The following POLR1C variants were observed in gnomAD, a reference collection of about 807,000 sequenced individuals.
The protein encoded by POLR1C is DNA-directed RNA polymerases I and III subunit RPAC1.
Under a neutral mutation model 38.3 loss-of-function variants are expected in POLR1C, and 42 were observed. The observed-to-expected ratio is 1.10, with a 90% CI of 0.86 to 1.42. POLR1C has a LOEUF of 1.42. Among genes scored for constraint, POLR1C ranks in the 40% most tolerant of loss-of-function variants. The probability of loss-of-function intolerance (pLI) is 0.00; values close to 1 mark genes in which losing one functional copy is unlikely to be tolerated. For missense variants in POLR1C, 507 were observed against 450.5 expected, an observed-to-expected ratio of 1.13 and a Z score of -1.14; for synonymous variants, 163 against 163.9, an observed-to-expected ratio of 0.99 and a Z score of 0.04.
chr6:43,551,202 G>A (rs1795212249), intron 10 of POLR1C: 3 of 1,297,854 alleles, frequency 2.3e-6, no homozygotes, highest in Admixed American at 6.0e-5. Flanking sequence ...TCCAGCCTGG[G>A]CAATGTAGCA....
chr6:43,553,622 G>GA (rs1229595599), intron 10 of POLR1C: 4 of 1,440,714 alleles, frequency 2.8e-6, no homozygotes, highest in Middle Eastern at 2.1e-4. Flanking sequence ...AGAATTTCAT[G>GA]ATTGAAGGAG....
chr6:43,517,503 C>A, intron 2 of POLR1C, 126 bp downstream of exon 2: 6 of 799,978 alleles, frequency 7.5e-6, no homozygotes, highest in East Asian at 2.4e-5. Flanking sequence ...GAGCAATGTG[C>A]TAGACGCTCC....
chr6:43,517,319 A>C lies in POLR1C; in HGVS notation c.83A>C (p.Asp28Ala). The change falls in exon 2 of 9, where the codon GAC (aspartate) becomes GCC (alanine). Residue 28 changes from aspartate (D) to alanine (A), a missense_variant. Physicochemically the swap from Asp to Ala is moderately radical, Grantham distance 126. Coordinates refer to ENST00000642195, the MANE Select transcript of POLR1C (RefSeq NM_203290.4). ...CCTTTGCTCTAGGTCCATACTACTG[A>C]CTTTCCCGGTAACTATTCCGGTTAT... ...EFGVRNVHTT[D>A]FPGNYSGYDD... 1 of 1,614,024 alleles carries C rather than the reference A, an allele frequency of 6.2e-7. No individual in the cohort carries two copies. Among genetic ancestry groups the C allele is most frequent in the Non-Finnish European group, 8.5e-7 (1 of 1,179,988 alleles).
Position 43,520,785 on chromosome 6 carries a change from T to C in POLR1C, c.805+11T>C, listed in dbSNP as rs201455719. ...TGCAGGAAGTCCAAGGTATGGTATT[T>C]GGGATGCTGTTCAAGTTAGGACCTA... On this transcript the variant is annotated intron_variant, in intron 7 of 8. Transcript: ENST00000642195. 1 of 1,613,244 alleles carries C rather than the reference T, an allele frequency of 6.2e-7. No homozygotes were observed. The highest frequency in any genetic ancestry group is 1.3e-5 in the African/African-American group (1 of 74,248).
At chr6:43,525,574 G>C, downstream of POLR1C, 1 of 528,184 alleles carries the variant, frequency 1.9e-6, no homozygotes, top group Non-Finnish European at 3.3e-6. Flanking sequence ...CAAAGCTCAG[G>C]CCTGGCTTGG....
chr6:43,558,739 T>A lies in POLR1C; in HGVS notation c.*49-2661T>A. ...ATGGTAAATATCCACTTCAGTTCTA[T>A]CACAGGTCCACAGTTTGCTCCCAGT... is the stretch of plus-strand genomic sequence containing the variant. On this transcript the variant is annotated intron_variant, in intron 10 of 10. Coordinates refer to the POLR1C transcript ENST00000607635. 2 of 593,506 alleles carry A rather than the reference T, an allele frequency of 3.4e-6. 1 individual carries two copies. The highest frequency in any genetic ancestry group is 5.7e-6 in the Non-Finnish European group (2 of 351,476). 36.8% of individuals were successfully genotyped at this position (593,506 alleles called of 1,614,324 possible). A position where few individuals can be genotyped will look rare whatever the true frequency, so the allele number is the denominator to read the frequency against.
At chr6:43,549,171 C>A (rs1795109356) in intron 9 of POLR1C, among the ~76,000 whole-genome samples, 1 of 152,142 alleles carries the variant, frequency 6.6e-6, no homozygotes, top group African/African-American at 2.4e-5. Flanking sequence ...AAGTGATTCT[C>A]CTGCCTCAGC....
At chr6:43,531,071 T>C (rs1793944655), downstream of POLR1C, among the ~76,000 whole-genome samples, 2 of 152,222 alleles carry the variant, frequency 1.3e-5, no homozygotes, top group African/African-American at 4.8e-5. Flanking sequence ...GCTTGGCTGA[T>C]TAGTGTAGTG....
rs1351376667 is a variant in POLR1C, at chr6:43,538,481, A to T, written c.*4+9122A>T. 3.3e-5 allele frequency among the ~76,000 whole-genome samples: 5 copies of T among 152,278 alleles called. 1 individual carries two copies. In the East Asian group the frequency reaches 9.7e-4, roughly 29 times the overall value. ...AGTGACTAAGAGATATCTTAAATATATATAAACCTTGTGTGGATAAACAGA... is the reference window on the plus strand; with the variant it reads ...AGTGACTAAGAGATATCTTAAATATTTATAAACCTTGTGTGGATAAACAGA... On this transcript the variant is annotated intron_variant, in intron 9 of 10. Transcript: ENST00000607635.
downstream of POLR1C, chr6:43,533,970 T>C: frequency 6.2e-7 from 1 of 1,606,212 alleles, no homozygotes; most frequent in Non-Finnish European, 8.5e-7. Flanking sequence ...TCTGCCATTT[T>C]GGCTAGCATT....
rs755859153 is a variant in POLR1C, at chr6:43,520,383, C to G, written c.611C>G (p.Pro204Arg). 7 of 1,613,930 alleles carry G rather than the reference C, an allele frequency of 4.3e-6. No homozygotes were observed. The highest frequency in any genetic ancestry group is 5.9e-6 in the Non-Finnish European group (7 of 1,180,042). The stretch of plus-strand genomic sequence containing the variant: ...GATATCCTCATCGCTCAGCTGCGGC[C>G]TGGCCAAGAAATTGACCTGCTCATG... The part of the protein sequence containing the change: ...HDDILIAQLR[P>R]GQEIDLLMHC... The change falls in exon 6 of 9, where the codon CCT becomes CGT. Residue 204 changes from proline to arginine, a missense_variant. Physicochemically the swap from Pro to Arg is moderately radical, Grantham distance 103 (BLOSUM62 -2). Transcript: ENST00000642195.
intron 8 of POLR1C, chr6:43,526,765 G>C: frequency 6.2e-7 from 1 of 1,612,386 alleles, no homozygotes. Flanking sequence ...AAGAAAGCAG[G>C]GTTACTAGGT....
At chr6:43,526,828 C>T (rs1793624831) in intron 8 of POLR1C, 3 of 1,452,184 alleles carry the variant, frequency 2.1e-6, no homozygotes, top group South Asian at 2.4e-5. Flanking sequence ...CTGATCCCAA[C>T]CTGTCTCTGG....
At chr6:43,526,538 G>T in intron 8 of POLR1C, 1 of 826,706 alleles carries the variant, frequency 1.2e-6, no homozygotes, top group Non-Finnish European at 2.0e-6. Context: ...TATGATGGAG[G>T]CACACAGCAA....
chr6:43,560,792 T>C, intron 10 of POLR1C: 1 of 747,764 alleles, frequency 1.3e-6, no homozygotes, highest in Non-Finnish European at 2.3e-6. Flanking sequence ...CTTAATGAAA[T>C]GACACTACGG....
intron 2 of POLR1C, among the ~76,000 whole-genome samples, chr6:43,518,819 TAC>T (rs1207238816): frequency 1.3e-5 from 2 of 152,218 alleles, no homozygotes; most frequent in East Asian, 1.9e-4. Context: ...TAGCTGGGAC[TAC>T]AGTCATGCGC....
At chr6:43,528,047 C>A in intron 8 of POLR1C, 19 of 1,122,688 alleles carry the variant, frequency 1.7e-5, no homozygotes, top group Non-Finnish European at 2.3e-5. Flanking sequence ...AGAATGACTA[C>A]AACCTACTGC....
chr6:43,538,884 C>T (rs557575310), intron 9 of POLR1C: 34 of 1,291,220 alleles, frequency 2.6e-5, no homozygotes, highest in South Asian at 7.4e-5. Flanking sequence ...TGGGTCTTGA[C>T]GAGGTGGTCA....
chr6:43,517,503 C>T, intron 2 of POLR1C, 126 bp downstream of exon 2: 2 of 799,980 alleles, frequency 2.5e-6, no homozygotes, highest in Non-Finnish European at 4.3e-6. Context: ...GAGCAATGTG[C>T]TAGACGCTCC....
Sources: gnomAD v4.1 joint callset for allele counts (sites outside exome capture counted in the v4.1 genomes callset) on GRCh38, gnomAD v4.1.1 for gene constraint, MANE v1.5 for transcripts, NCBI Gene and HGNC (gene_info 2026-07-23, HGNC 2026-07-21) for gene names.